ATRX: variants seen among roughly 807,000 people sequenced by gnomAD.
ATRX encodes chromatin remodeler ATRX.
A neutral mutation model predicts 172.6 loss-of-function variants in ATRX; 12 were observed. The ratio of observed to expected loss-of-function variants is 0.07; its 90% CI spans 0.04 to 0.11. The LOEUF (loss-of-function observed/expected upper bound fraction) is 0.11, where lower values mean the gene tolerates loss of function less well. ATRX is among the 10% of genes least tolerant of loss of function. ATRX has a pLI of 1.00. For missense variants in ATRX, 1,368 were observed against 1,767.4 expected, an observed-to-expected ratio of 0.77 and a Z score of 4.05; for synonymous variants, 674 against 594.7, an observed-to-expected ratio of 1.13 and a Z score of -1.94.
At chrX:77,535,175 G>T (rs2063707920) in intron 30 of ATRX, among the ~76,000 whole-genome samples, 1 of 112,235 alleles carries the variant, frequency 8.9e-6, no homozygotes, top group Non-Finnish European at 1.9e-5. Context: ...TAAGTAACTA[G>T]AGAGCTTATT....
chrX:77,650,939 T>G (rs971176834), intron 15 of ATRX, among the ~76,000 whole-genome samples: 2 of 111,726 alleles, frequency 1.8e-5, no homozygotes, highest in Non-Finnish European at 3.8e-5. Context: ...AGAATTCAGT[T>G]TAATAATGGC....
intron 27 of ATRX, among the ~76,000 whole-genome samples, chrX:77,579,393 T>A (rs2065747748): frequency 8.9e-6 from 1 of 111,853 alleles, no homozygotes; most frequent in Non-Finnish European, 1.9e-5. Flanking sequence ...GCAGTGGTAG[T>A]CACAGGGGTG....
At chrX:77,564,062 C>T (rs1557063334) in intron 28 of ATRX, among the ~76,000 whole-genome samples, 10 of 111,347 alleles carry the variant, frequency 9.0e-5, no homozygotes, top group Non-Finnish European at 1.9e-5. Context: ...GGATGATGCC[C>T]ACTCACACTG....
chrX:77,781,259 G>A (rs1223877570), intron 1 of ATRX, among the ~76,000 whole-genome samples: 3 of 109,923 alleles, frequency 2.7e-5, no homozygotes, highest in South Asian at 3.9e-4. Flanking sequence ...TGGCCAACAC[G>A]GTGAAACCCT....
chrX:77,678,431 T>G (rs1024726806), intron 9 of ATRX, among the ~76,000 whole-genome samples: 3 of 112,439 alleles, frequency 2.7e-5, no homozygotes. Flanking sequence ...TTTCCCCAAA[T>G]ATTTAAGTAG....
In ATRX at chrX:77,533,641, G is replaced by A. The variant is rs1380548774; in HGVS notation, c.6700-10240C>T. 2.7e-5 allele frequency among the ~76,000 whole-genome samples: 3 copies of A among 111,064 alleles called. No homozygotes were observed. In the Admixed American group the frequency reaches 2.9e-4, roughly 11 times the overall value. On this transcript the variant is annotated intron_variant, in intron 30 of 34. Transcript: ENST00000373344. ...CACTTGGCACCTGTGGGGGGTTGGG[G>A]GAGGGAGTGCATCAGGAAGAATAGC...
rs2066381988 is a variant in ATRX at position 77,594,062 on chromosome X, GAGAA to G, written c.5957-217_5957-214del. The G allele has an allele frequency of 8.4e-6, 3 of 359,024 alleles. No individual in the cohort carries two copies. The South Asian group carries it at 1.9e-4, about 22-fold the overall frequency. The allele number at this position is 359,024 out of a possible 1,213,427, so 29.6% of individuals were successfully genotyped here. On this transcript the variant is annotated intron_variant, in intron 25 of 34. Coordinates refer to ENST00000373344, the MANE Select transcript of ATRX (RefSeq NM_000489.6). ...GAAGAGTGAGCTCTAGATAGAAAAA[GAGAA>G]AGGAAGGAGATGCCAAATAAGAGAA...
At position 77,571,790 on chromosome X, in the gene ATRX, A is replaced by C. The variant is rs782376695; in HGVS notation, c.6326+2460T>G. ...CTCTCTGTACTTGCAAGTTCAGGTG[A>C]ATCTATAATCATTTCTAAATTAAAA... On this transcript the variant is annotated intron_variant, in intron 28 of 34. Coordinates refer to ENST00000373344, the MANE Select transcript of ATRX (RefSeq NM_000489.6). Among the ~76,000 whole-genome samples the C allele has an allele frequency of 2.7e-5, 3 of 111,598 alleles. No individual in the cohort carries two copies. The South Asian group carries it at 1.1e-3, about 42-fold the overall frequency.
rs2063252469 is a variant in ATRX at position 77,522,197 on chromosome X, TCAACAAC to T, written c.6975+59_6975+65del. 2.2e-5 allele frequency: 26 copies of T among 1,188,852 alleles called. 1 individual carries two copies. The South Asian group carries it at 4.3e-4, about 19-fold the overall frequency. On this transcript the variant is annotated intron_variant, in intron 32 of 34. Coordinates refer to ENST00000373344, the MANE Select transcript of ATRX (RefSeq NM_000489.6). ...TGTGATATTTCTGCATAGGGAACCC[TCAACAAC>T]AAGGCACTTGAAATTGCCTTTAATT... is the stretch of plus-strand genomic sequence containing the variant.
chrX:77,592,130 A>T (rs1335368442), intron 26 of ATRX, among the ~76,000 whole-genome samples: 1 of 111,621 alleles, frequency 9.0e-6, no homozygotes, highest in Admixed American at 9.6e-5. Flanking sequence ...AAGCATCTCA[A>T]GCTAGGCGCG....
At chrX:77,511,810 C>T (rs1370199030) in intron 34 of ATRX, among the ~76,000 whole-genome samples, 1 of 111,581 alleles carries the variant, frequency 9.0e-6, no homozygotes, top group Non-Finnish European at 1.9e-5. Context: ...CAATGAAGCA[C>T]ATCTACAAGA....
intron 19 of ATRX, among the ~76,000 whole-genome samples, chrX:77,630,620 A>C (rs2148324943): frequency 8.9e-6 from 1 of 112,365 alleles, no homozygotes; most frequent in South Asian, 3.7e-4. Context: ...CAATGGTGTC[A>C]AGACTCTTCA....
At chrX:77,640,075 AG>A (rs2068577711) in intron 15 of ATRX, among the ~76,000 whole-genome samples, 1 of 112,188 alleles carries the variant, frequency 8.9e-6, no homozygotes, top group African/African-American at 3.2e-5. Context: ...AAATTCACAT[AG>A]GAACAGAAAA....
At position 77,779,547 on chromosome X, in the gene ATRX, C is replaced by T. The variant is rs2076495937; in HGVS notation, c.20+6435G>A. On this transcript the variant is annotated intron_variant, in intron 1 of 34. Transcript: ENST00000373344. ...CTAGACATCCCCCAAATTAGGCTTT[C>T]TTTCATTTCTGATCCCTAGCGCAAT... Among the ~76,000 whole-genome samples, 3 of 111,557 alleles carry T rather than the reference C, an allele frequency of 2.7e-5. No individual in the cohort carries two copies. The South Asian group carries it at 1.1e-3, about 41-fold the overall frequency.
chrX:77,695,311 T>C (rs2072129710), intron 5 of ATRX, among the ~76,000 whole-genome samples: 1 of 111,496 alleles, frequency 9.0e-6, no homozygotes, highest in Non-Finnish European at 1.9e-5. Flanking sequence ...AAGAGCCTGG[T>C]ACTTATACAT....
intron 19 of ATRX, among the ~76,000 whole-genome samples, chrX:77,630,700 T>G (rs1361082985): frequency 8.9e-6 from 1 of 111,743 alleles, no homozygotes; most frequent in Non-Finnish European, 1.9e-5. Context: ...AAAAATGAAG[T>G]TGGACTCCCA....
At chrX:77,769,031 G>C (rs1246269221) in intron 1 of ATRX, among the ~76,000 whole-genome samples, 2 of 110,706 alleles carry the variant, frequency 1.8e-5, no homozygotes, top group Non-Finnish European at 3.8e-5. Flanking sequence ...AGGATCAACA[G>C]ACAAAAATGG....
intron 22 of ATRX, among the ~76,000 whole-genome samples, chrX:77,601,856 T>C (rs1043486019): frequency 4.5e-5 from 5 of 112,119 alleles, no homozygotes; most frequent in Non-Finnish European, 7.5e-5. Context: ...TTATTTCCAT[T>C]GTGTAACAGA....
chrX:77,704,288 G>A (rs1266776000), intron 2 of ATRX, among the ~76,000 whole-genome samples: 1 of 111,840 alleles, frequency 8.9e-6, no homozygotes, highest in Non-Finnish European at 1.9e-5. Context: ...GCAGAGAGGA[G>A]GCCCTAGAGT....
Sources: allele counts gnomAD v4.1 joint callset (sites outside exome capture counted in the v4.1 genomes callset), GRCh38; gene constraint gnomAD v4.1.1; transcripts MANE v1.5; gene names NCBI Gene and HGNC (gene_info 2026-07-23, HGNC 2026-07-21).